Variants in ZNF292 observed in about 807,000 individuals in gnomAD.
ZNF292 encodes the protein 16 zinc-finger domain protein.
ZNF292 carries 26 observed loss-of-function variants against 217.9 expected under a neutral mutation model. The observed-to-expected ratio is 0.12, with a 90% CI of 0.09 to 0.17. The LOEUF (loss-of-function observed/expected upper bound fraction) is 0.17. ZNF292 is among the 10% of genes least tolerant of loss of function. ZNF292 has a pLI of 1.00. For synonymous variants in ZNF292, 1,257 were observed against 1,124.1 expected, an observed-to-expected ratio of 1.12 and a Z score of -2.37; for missense variants, 2,904 against 3,175.2, an observed-to-expected ratio of 0.91 and a Z score of 2.05.
In ZNF292 at chr6:87,260,137, A is replaced by G; in HGVS notation, c.6508A>G (p.Lys2170Glu). Residue 2170 changes from lysine to glutamate, a missense_variant, in exon 8 of 8, where the codon AAA (lysine) becomes GAA (glutamate). Physicochemically the swap from Lys to Glu is moderately conservative, Grantham distance 56 (BLOSUM62 1). Coordinates refer to ENST00000369577, the MANE Select transcript of ZNF292 (RefSeq NM_015021.3). ...AGAAACTGAAACTAAACAAACTTTGAAAGAATTTCGATGTCAGGTAAGTGA... is the reference window on the plus strand; with the variant it reads ...AGAAACTGAAACTAAACAAACTTTGGAAGAATTTCGATGTCAGGTAAGTGA... ...SEETETKQTLKEFRCQVSDCS... is the reference protein window; with the variant it reads ...SEETETKQTLEEFRCQVSDCS... 6.2e-7 allele frequency: 1 copy of G among 1,613,440 alleles called. No homozygotes were observed.
At chr6:87,249,405 G>T in intron 7 of ZNF292, 1 of 392,818 alleles carries the variant, frequency 2.5e-6, no homozygotes, top group African/African-American at 2.1e-5. Context: ...TGGGATTACA[G>T]GTATGAGCCA....
intron 1 of ZNF292, among the ~76,000 whole-genome samples, chr6:87,194,109 T>C (rs769462473): frequency 6.6e-6 from 1 of 152,126 alleles, no homozygotes; most frequent in Non-Finnish European, 1.5e-5. Context: ...TGTGGAAACT[T>C]TTTCATGTCG....
rs759857267 is a variant in ZNF292 at position 87,259,431 on chromosome 6, T to G, written c.5802T>G (p.Ile1934Met). The change falls in exon 8 of 8, where the codon ATT becomes ATG. Residue 1934 changes from isoleucine (I) to methionine (M), a missense_variant. Physicochemically the swap from Ile to Met is conservative, Grantham distance 10. Around this residue, in one of 15 missense-constraint regions of ZNF292, gnomAD observed 50 missense variants for 90.5 expected, o/e 0.55. Coordinates refer to ENST00000369577, the MANE Select transcript of ZNF292 (RefSeq NM_015021.3). The part of the protein sequence containing the change: ...GKIHQYTPEM[I>M]LEIKKNQLKF... ...TTCATCAATACACTCCAGAAATGAT[T>G]CTTGAAATTAAGAAGAATCAATTGA... 1 of 1,596,698 alleles carries G rather than the reference T, an allele frequency of 6.3e-7. No homozygotes were observed. Among genetic ancestry groups the G allele is most frequent in the Non-Finnish European group, 8.5e-7 (1 of 1,170,478 alleles).
Position 87,262,023 on chromosome 6 carries a change from TAGTG to T in ZNF292, c.*225_*228del, listed in dbSNP as rs902386973. 6 of 323,584 alleles carry T rather than the reference TAGTG, an allele frequency of 1.9e-5. No individual in the cohort carries two copies. Among genetic ancestry groups the T allele is most frequent in the African/African-American group, 1.3e-4 (6 of 46,902 alleles). The allele number at this position is 323,584 out of a possible 1,614,324, so 20.0% of individuals were successfully genotyped here. A position where few individuals can be genotyped will look rare whatever the true frequency, so the allele number is the denominator to read the frequency against. On this transcript the variant is annotated 3_prime_UTR_variant, in exon 8 of 8. Coordinates refer to ENST00000369577, the MANE Select transcript of ZNF292 (RefSeq NM_015021.3). ...GAATCAGTACTTCAGTTATTGTAAA[TAGTG>T]AGCTAAACCTCAAATTTCTATCACC...
intron 1 of ZNF292, among the ~76,000 whole-genome samples, chr6:87,186,018 C>T (rs977314100): frequency 6.6e-5 from 10 of 152,110 alleles, no homozygotes; most frequent in Non-Finnish European, 1.0e-4. Context: ...TGATTGATTA[C>T]GTAATTGGCC....
At chr6:87,181,197 C>T (rs1378623579) in intron 1 of ZNF292, among the ~76,000 whole-genome samples, 1 of 152,148 alleles carries the variant, frequency 6.6e-6, no homozygotes, top group Non-Finnish European at 1.5e-5. Flanking sequence ...CACGCTGTTC[C>T]CTAGCGTCCC....
chr6:87,200,601 A>G (rs1393174973), intron 1 of ZNF292, among the ~76,000 whole-genome samples: 4 of 152,230 alleles, frequency 2.6e-5, no homozygotes, highest in African/African-American at 7.2e-5. Flanking sequence ...CCTAGTTTAT[A>G]GCAAAGAATA....
chr6:87,157,189 A>G (rs1770571059), intron 1 of ZNF292, among the ~76,000 whole-genome samples: 1 of 151,962 alleles, frequency 6.6e-6, no homozygotes, highest in Non-Finnish European at 1.5e-5. Context: ...TTAAAAACAA[A>G]AACTGTGAGA....
chr6:87,261,786 C>T lies in ZNF292; in HGVS notation c.8157C>T (p.Gly2719=). 1 of 1,609,934 alleles carries T rather than the reference C, an allele frequency of 6.2e-7. No homozygotes were observed. The highest frequency in any genetic ancestry group is 8.5e-7 in the Non-Finnish European group (1 of 1,177,404). Residue 2719 remains glycine, a synonymous_variant, in exon 8 of 8, where the codon GGC becomes GGT. Coordinates refer to ENST00000369577, the MANE Select transcript of ZNF292 (RefSeq NM_015021.3). ...ATATCAGTATAGGTAAAGCCACAGG[C>T]AGAGGTCAGTACTGATAATTAATGT... ...MKDISIGKAT[G]RGQY
chr6:87,169,589 C>A, intron 1 of ZNF292: 2 of 325,246 alleles, frequency 6.1e-6, no homozygotes, highest in South Asian at 2.3e-5. Flanking sequence ...AAATTATTTC[C>A]AGTAAATAGG....
At chr6:87,187,827 A>G (rs1318219788) in intron 1 of ZNF292, among the ~76,000 whole-genome samples, 1 of 152,108 alleles carries the variant, frequency 6.6e-6, no homozygotes, top group Non-Finnish European at 1.5e-5. Flanking sequence ...AGTAGTTGCA[A>G]CATTAAATGC....
chr6:87,191,785 T>A (rs1421125468), intron 1 of ZNF292, among the ~76,000 whole-genome samples: 2 of 152,162 alleles, frequency 1.3e-5, no homozygotes, highest in African/African-American at 4.8e-5. Context: ...TGGCTCAGCC[T>A]CCCAAGTAGC....
intron 3 of ZNF292, 148 bp downstream of exon 3, chr6:87,216,525 A>AG: frequency 1.7e-6 from 1 of 586,502 alleles, no homozygotes; most frequent in Non-Finnish European, 3.0e-6. Context: ...TCTTACATAG[A>AG]GTAGATCTCA....
In ZNF292 at chr6:87,247,293, GTGCATGCA is replaced by G. The variant is rs57077640; in HGVS notation, c.1020+1662_1020+1669del. Among the ~76,000 whole-genome samples the G allele has an allele frequency of 2.7e-5, 4 of 149,056 alleles. No homozygotes were observed. The East Asian group carries it at 6.0e-4, about 22-fold the overall frequency. The stretch of plus-strand genomic sequence containing the variant: ...GCAACACACACACATGCGCACGCAC[GTGCATGCA>G]TGCATGCATGCACAATCACTACATG... On this transcript the variant is annotated intron_variant, in intron 7 of 7. Coordinates refer to ENST00000369577, the MANE Select transcript of ZNF292 (RefSeq NM_015021.3).
Position 87,155,628 on chromosome 6 carries a change from T to TG in ZNF292, c.38dup (p.Cys13TrpfsTer75). On this transcript the variant is annotated frameshift_variant, in exon 1 of 8. Transcript: ENST00000369577. LOFTEE classifies it high-confidence loss of function. ...AGAGGCCGAGCAGGAGAGGTTGAGTTGCGGCGAAGGCGGCTGCGTCGCGGA... is the reference window on the plus strand; with the variant it reads ...AGAGGCCGAGCAGGAGAGGTTGAGTTGGCGGCGAAGGCGGCTGCGTCGCGGA... The TG allele has an allele frequency of 6.3e-7, 1 of 1,583,582 alleles. No individual in the cohort carries two copies. The highest frequency in any genetic ancestry group is 8.6e-7 in the Non-Finnish European group (1 of 1,166,202).
In ZNF292 at chr6:87,218,710, G is replaced by A. The variant is rs1772915001; in HGVS notation, c.517G>A (p.Glu173Lys). 6.3e-7 allele frequency: 1 copy of A among 1,590,782 alleles called. No individual in the cohort carries two copies. The highest frequency in any genetic ancestry group is 8.5e-7 in the Non-Finnish European group (1 of 1,171,042). The part of the protein sequence containing the change: ...NPVLCTILSQ[E>K]PLDKDKVNEF... Reference sequence around the variant, plus strand: ...GGTACTGTGCACTATTCTTTCCCAGGAACCATTGGATAAGGATAAAGGTAA... The same window carrying A: ...GGTACTGTGCACTATTCTTTCCCAGAAACCATTGGATAAGGATAAAGGTAA... Residue 173 changes from glutamate to lysine, a missense_variant, in exon 4 of 8, where the codon GAA becomes AAA. Around this residue, in one of 15 missense-constraint regions of ZNF292, gnomAD observed 313 missense variants for 451.0 expected, o/e 0.69. Transcript: ENST00000369577.
intron 1 of ZNF292, among the ~76,000 whole-genome samples, chr6:87,208,535 A>G (rs1049742272): frequency 7.2e-5 from 11 of 152,138 alleles, no homozygotes; most frequent in Admixed American, 6.5e-4. Context: ...ATCGAAGAAT[A>G]TCAGTGATAG....
At chr6:87,242,287 TC>T (rs1445456049) in intron 5 of ZNF292, among the ~76,000 whole-genome samples, 19 of 152,332 alleles carry the variant, frequency 1.2e-4, no homozygotes, top group African/African-American at 4.6e-4. Context: ...TCCACTAACT[TC>T]ATAATTCCTG....
intron 1 of ZNF292, among the ~76,000 whole-genome samples, chr6:87,213,311 C>T (rs1322807989): frequency 6.6e-6 from 1 of 152,136 alleles, no homozygotes; most frequent in Non-Finnish European, 1.5e-5. Context: ...AGCACTCAAA[C>T]ATAAATTTAA....
Sources: allele counts gnomAD v4.1 joint callset (sites outside exome capture counted in the v4.1 genomes callset), GRCh38; gene constraint gnomAD v4.1.1; regional missense constraint gnomAD v4.1.1; transcripts MANE v1.5; gene names NCBI Gene and HGNC (gene_info 2026-07-23, HGNC 2026-07-21).